Variants in ADAM22 observed in about 807,000 individuals in gnomAD.
ADAM22 encodes ADAM metallopeptidase domain 22, also known as disintegrin and metalloproteinase domain-containing protein 22.
ADAM22 carries 65 observed loss-of-function variants against 144.6 expected under a neutral mutation model. The ratio of observed to expected loss-of-function variants is 0.45; its 90% CI spans 0.37 to 0.55. The LOEUF is 0.55. Ranked by LOEUF, ADAM22 falls within the 20% of genes least tolerant of loss-of-function variation. The pLI, the probability that ADAM22 is intolerant of heterozygous loss-of-function variation, is 0.00. For synonymous variants in ADAM22, 391 were observed against 412.6 expected (o/e 0.95, Z 0.63); for missense variants, 974 against 1,184.9 (o/e 0.82, Z 2.61).
intron 20 of ADAM22, 42 bp downstream of exon 20, chr7:88,151,362 T>G: frequency 6.2e-7 from 1 of 1,608,950 alleles, no homozygotes; most frequent in Non-Finnish European, 8.5e-7. Context: ...AAGCATGATG[T>G]CAGGCGGACT....
intron 3 of ADAM22, among the ~76,000 whole-genome samples, chr7:88,020,234 C>A (rs1482927791): frequency 1.3e-5 from 2 of 152,180 alleles, no homozygotes; most frequent in Non-Finnish European, 2.9e-5. Flanking sequence ...AAGAAACTGA[C>A]AATGACAATG....
intron 2 of ADAM22, among the ~76,000 whole-genome samples, chr7:87,957,674 G>C (rs1847107134): frequency 6.6e-6 from 1 of 152,064 alleles, no homozygotes; most frequent in African/African-American, 2.4e-5. Context: ...TCTGCCTCCA[G>C]GGTTCAAGCA....
chr7:88,130,440 T>G lies in ADAM22; in HGVS notation c.806T>G (p.Val269Gly). 1 of 1,613,220 alleles carries G rather than the reference T, an allele frequency of 6.2e-7. No individual in the cohort carries two copies. The highest frequency in any genetic ancestry group is 8.5e-7 in the Non-Finnish European group (1 of 1,179,340). Residue 269 changes from valine to glycine, a missense_variant, in exon 10 of 32, where the codon GTG becomes GGG. By Grantham distance (109) the Val-to-Gly change is moderately radical. Coordinates refer to ENST00000413139, the MANE Select transcript of ADAM22 (RefSeq NM_001324418.2). ...VVHTNTYAKS[V>G]VNMADLIYKD... ...CATACCAATACCTATGCGAAATCTG[T>G]GGTGAACATGGCAGATTTAGTAAGT...
At chr7:88,036,209 C>A (rs1235561704) in intron 3 of ADAM22, among the ~76,000 whole-genome samples, 1 of 152,014 alleles carries the variant, frequency 6.6e-6, no homozygotes. Context: ...TCTATATAAT[C>A]CTTCATTTTT....
intron 3 of ADAM22, among the ~76,000 whole-genome samples, chr7:87,995,029 A>G (rs1194381701): frequency 6.6e-6 from 1 of 151,950 alleles, no homozygotes; most frequent in Middle Eastern, 3.2e-3. Context: ...ACGGGGTTTC[A>G]CCGTGGTCTC....
chr7:88,153,088 G>A (rs1376561193), intron 20 of ADAM22, 133 bp from the exon 21 acceptor site: 7 of 579,946 alleles, frequency 1.2e-5, no homozygotes, highest in South Asian at 2.4e-5. Flanking sequence ...TGAACCGTTC[G>A]TTGGTAACAT....
At chr7:88,147,408 A>G (rs1836842923) in intron 17 of ADAM22, among the ~76,000 whole-genome samples, 1 of 152,246 alleles carries the variant, frequency 6.6e-6, no homozygotes, top group South Asian at 2.1e-4. Context: ...TTTTCTATAA[A>G]GAGCCAGATA....
chr7:88,008,380 C>A (rs566585891), intron 3 of ADAM22, among the ~76,000 whole-genome samples: 343 of 149,976 alleles, frequency 2.3e-3, no homozygotes, highest in African/African-American at 8.0e-3. Context: ...TACCATTTGA[C>A]CCAGCCATCC....
In ADAM22 at chr7:87,953,780, T is replaced by G. The variant is rs527426482; in HGVS notation, c.246+18594T>G. Among the ~76,000 whole-genome samples, 137 of 152,262 alleles carry G rather than the reference T, an allele frequency of 9.0e-4. 1 individual carries two copies. In the South Asian group the frequency reaches 0.028, roughly 31 times the overall value. The stretch of plus-strand genomic sequence containing the variant: ...CATTATTATTGTGTGGGAGTCTAAG[T>G]CTCTTTGTAGGTCACTAAGGACTTG... On this transcript the variant is annotated intron_variant, in intron 2 of 31. Transcript: ENST00000413139.
intron 2 of ADAM22, among the ~76,000 whole-genome samples, chr7:87,938,036 C>T (rs1172035636): frequency 6.6e-6 from 1 of 152,094 alleles, no homozygotes; most frequent in Non-Finnish European, 1.5e-5. Context: ...CTTAGGCCAA[C>T]TTTTCCTACA....
At chr7:87,945,837 C>A (rs1443846170) in intron 2 of ADAM22, among the ~76,000 whole-genome samples, 1 of 152,034 alleles carries the variant, frequency 6.6e-6, no homozygotes, top group East Asian at 1.9e-4. Context: ...TTAGGAAGAA[C>A]TTTATTGACT....
intron 3 of ADAM22, among the ~76,000 whole-genome samples, chr7:88,051,460 C>G (rs1806339849): frequency 6.6e-6 from 1 of 151,802 alleles, no homozygotes; most frequent in Non-Finnish European, 1.5e-5. Context: ...GACAGAAAAC[C>G]AGACACCGCA....
chr7:88,029,774 T>C (rs2129469196), intron 3 of ADAM22, among the ~76,000 whole-genome samples: 1 of 152,260 alleles, frequency 6.6e-6, no homozygotes, highest in African/African-American at 2.4e-5. Context: ...TTTTTTTTCT[T>C]TCAGAGTTTT....
intron 3 of ADAM22, among the ~76,000 whole-genome samples, chr7:87,995,070 G>A (rs1790827614): frequency 6.6e-6 from 1 of 152,000 alleles, no homozygotes; most frequent in African/African-American, 2.4e-5. Context: ...CACTCGGCTC[G>A]GCCTCCCAAA....
intron 29 of ADAM22, among the ~76,000 whole-genome samples, chr7:88,183,564 A>G (rs2129538481): frequency 6.6e-6 from 1 of 152,194 alleles, no homozygotes; most frequent in Non-Finnish European, 1.5e-5. Flanking sequence ...TTCCACTCAC[A>G]TTGTATGATT....
intron 2 of ADAM22, among the ~76,000 whole-genome samples, chr7:87,968,256 T>C (rs1322709439): frequency 6.6e-6 from 1 of 152,250 alleles, no homozygotes; most frequent in African/African-American, 2.4e-5. Flanking sequence ...TTTTCAACTG[T>C]TGGCTATACC....
intron 3 of ADAM22, among the ~76,000 whole-genome samples, chr7:88,011,007 A>G (rs1306237942): frequency 1.3e-5 from 2 of 152,228 alleles, no homozygotes; most frequent in Non-Finnish European, 2.9e-5. Context: ...GTGATGGCAT[A>G]TTAAGAGTTA....
At chr7:88,147,192 G>T (rs551810071) in intron 17 of ADAM22, among the ~76,000 whole-genome samples, 1 of 152,206 alleles carries the variant, frequency 6.6e-6, no homozygotes, top group Non-Finnish European at 1.5e-5. Flanking sequence ...AGCTGTACCA[G>T]TCAAGAGTCA....
intron 3 of ADAM22, among the ~76,000 whole-genome samples, chr7:88,058,087 A>T (rs1808782560): frequency 6.6e-6 from 1 of 152,246 alleles, no homozygotes; most frequent in South Asian, 2.1e-4. Context: ...TAACAAGAAT[A>T]AAACAGATGG....
Sources: gnomAD v4.1 joint callset for allele counts (sites outside exome capture counted in the v4.1 genomes callset) on GRCh38, gnomAD v4.1.1 for gene constraint, MANE v1.5 for transcripts, NCBI Gene and HGNC (gene_info 2026-07-23, HGNC 2026-07-21) for gene names.